Variants in GRIK4 observed in about 807,000 individuals in gnomAD.
GRIK4 encodes glutamate ionotropic receptor kainate type subunit 4, also known as glutamate receptor ionotropic, kainate 4.
Under a neutral mutation model 104.9 loss-of-function variants are expected in GRIK4, and 40 were observed. The observed-to-expected ratio is 0.38, with a 90% confidence interval of 0.30 to 0.50. GRIK4 has a LOEUF of 0.50. Among genes scored for constraint, GRIK4 ranks in the 20% least tolerant of loss-of-function variants. The probability of loss-of-function intolerance (pLI) is 0.93; values close to 1 mark genes in which losing one functional copy is unlikely to be tolerated. For missense variants in GRIK4, 1,047 were observed against 1,308.1 expected, an observed-to-expected ratio of 0.80 and a Z score of 3.08; for synonymous variants, 485 against 524.9, an observed-to-expected ratio of 0.92 and a Z score of 1.04.
chr11:120,525,306 G>A (rs1947844633), intron 1 of GRIK4, among the ~76,000 whole-genome samples: 1 of 152,160 alleles, frequency 6.6e-6, no homozygotes, highest in South Asian at 2.1e-4. Flanking sequence ...TTGCAGAATC[G>A]AGGTTTGAAA....
chr11:120,632,168 A>G (rs1463199789), intron 1 of GRIK4, among the ~76,000 whole-genome samples: 3 of 152,132 alleles, frequency 2.0e-5, no homozygotes, highest in Non-Finnish European at 4.4e-5. Context: ...GTGCCCTTGT[A>G]TAAGAGACCC....
At chr11:120,750,350 C>CTTTT (rs869135246) in intron 3 of GRIK4, among the ~76,000 whole-genome samples, 20 of 76,112 alleles carry the variant, frequency 2.6e-4, no homozygotes, top group Non-Finnish European at 3.5e-4. Context: ...CTAGAAATCT[C>CTTTT]TTTTTTTTTT....
chr11:120,618,604 G>A (rs1367186298), intron 1 of GRIK4, among the ~76,000 whole-genome samples: 1 of 152,248 alleles, frequency 6.6e-6, no homozygotes, highest in East Asian at 1.9e-4. Context: ...ACATAATGGT[G>A]TCGTGGGCCA....
chr11:120,596,344 T>C (rs1948800931), intron 1 of GRIK4, among the ~76,000 whole-genome samples: 1 of 152,186 alleles, frequency 6.6e-6, no homozygotes, highest in Admixed American at 6.5e-5. Flanking sequence ...ACAGGTCTAT[T>C]AACCAGTAAA....
chr11:120,514,327 A>T (rs1343730958), intron 1 of GRIK4, among the ~76,000 whole-genome samples: 1 of 152,172 alleles, frequency 6.6e-6, no homozygotes. Flanking sequence ...CCCTGCAAGC[A>T]TCTGATCGCT....
intron 1 of GRIK4, among the ~76,000 whole-genome samples, chr11:120,632,580 G>A (rs1208673625): frequency 6.6e-6 from 1 of 152,068 alleles, no homozygotes; most frequent in East Asian, 1.9e-4. Context: ...ACTTGTCCCC[G>A]TTTGTCCCAG....
At chr11:120,557,734 G>A (rs1245510577) in intron 1 of GRIK4, among the ~76,000 whole-genome samples, 3 of 152,078 alleles carry the variant, frequency 2.0e-5, no homozygotes, top group African/African-American at 7.2e-5. Context: ...AGAAGTAATC[G>A]GGCCGGGCGC....
chr11:120,962,336 G>C lies in GRIK4; in HGVS notation c.2041-120G>C. The C allele has an allele frequency of 1.1e-5, 7 of 646,212 alleles. No individual in the cohort carries two copies. The South Asian group carries it at 1.3e-4, about 12-fold the overall frequency. 40.0% of individuals were successfully genotyped at this position (646,212 alleles called of 1,614,324 possible). ...AGAAAGGGAAAAGGTTCTTGACTGT[G>C]ATCAGCGGGTGGAGAAGCAGAAGGG... On this transcript the variant is annotated intron_variant, in intron 17 of 20. Transcript: ENST00000527524.
chr11:120,821,223 G>T (rs769474547), intron 6 of GRIK4, among the ~76,000 whole-genome samples: 5 of 152,256 alleles, frequency 3.3e-5, no homozygotes, highest in Non-Finnish European at 5.9e-5. Context: ...AATGTGCAAT[G>T]TGGCCAGTCG....
intron 13 of GRIK4, among the ~76,000 whole-genome samples, chr11:120,917,044 G>A (rs1943119006): frequency 6.6e-6 from 1 of 151,808 alleles, no homozygotes; most frequent in Non-Finnish European, 1.5e-5. Context: ...TCAGGAGTTC[G>A]AGACCAGACT....
At chr11:120,596,874 G>A (rs919789612) in intron 1 of GRIK4, among the ~76,000 whole-genome samples, 9 of 152,180 alleles carry the variant, frequency 5.9e-5, no homozygotes, top group East Asian at 1.9e-4. Flanking sequence ...ACAGGTGCCC[G>A]CCACCACACC....
At chr11:120,834,141 T>A (rs1439930696) in intron 7 of GRIK4, among the ~76,000 whole-genome samples, 1 of 152,232 alleles carries the variant, frequency 6.6e-6, no homozygotes, top group African/African-American at 2.4e-5. Context: ...TTAAGGATTC[T>A]GATATGATTT....
At chr11:120,807,227 C>T (rs1952729922) in intron 4 of GRIK4, among the ~76,000 whole-genome samples, 1 of 152,202 alleles carries the variant, frequency 6.6e-6, no homozygotes, top group Admixed American at 6.5e-5. Flanking sequence ...AAGCTACCTC[C>T]TCTGTTCCTA....
intron 1 of GRIK4, among the ~76,000 whole-genome samples, chr11:120,636,876 G>A (rs1216052490): frequency 6.6e-6 from 1 of 151,996 alleles, no homozygotes; most frequent in African/African-American, 2.4e-5. Flanking sequence ...TCTACTCTCT[G>A]GGCTCTGGCC....
chr11:120,790,119 A>G (rs746049033), intron 3 of GRIK4, among the ~76,000 whole-genome samples: 1 of 152,154 alleles, frequency 6.6e-6, no homozygotes, highest in African/African-American at 2.4e-5. Flanking sequence ...AGATTTTGTC[A>G]TATCACTTAC....
At chr11:120,588,687 G>A (rs1476218834) in intron 1 of GRIK4, among the ~76,000 whole-genome samples, 6 of 152,154 alleles carry the variant, frequency 3.9e-5, no homozygotes, top group African/African-American at 1.2e-4. Context: ...TATAGGGCAG[G>A]CTTCTCAACA....
In GRIK4 at chr11:120,742,282, G is replaced by C. The variant is rs1951346482; in HGVS notation, c.83-60411G>C. Among the ~76,000 whole-genome samples, 3 of 150,412 alleles carry C rather than the reference G, an allele frequency of 2.0e-5. No individual in the cohort carries two copies. In the South Asian group the frequency reaches 6.3e-4, roughly 32 times the overall value. Reference sequence around the variant, plus strand: ...AATCGCTTGAACCTGGGAGGTGGAGGTTGCAGTGAGCCGAGTTTGCGCCAG... The same window carrying C: ...AATCGCTTGAACCTGGGAGGTGGAGCTTGCAGTGAGCCGAGTTTGCGCCAG... On this transcript the variant is annotated intron_variant, in intron 3 of 20. Transcript: ENST00000527524.
In GRIK4 at chr11:120,905,270, G is replaced by C. The variant is rs1210216292; in HGVS notation, c.1273-20G>C. Reference sequence around the variant, plus strand: ...CACCAGGGCTAAGATGAGAATGACAGCTGCCCAGTTTTGCTGCAGGAGAAC... The same window carrying C: ...CACCAGGGCTAAGATGAGAATGACACCTGCCCAGTTTTGCTGCAGGAGAAC... On this transcript the variant is annotated intron_variant, in intron 12 of 20. Coordinates refer to ENST00000527524, the MANE Select transcript of GRIK4 (RefSeq NM_014619.5). This position sits in a 1 kb window ranked among gnomAD's most constrained non-coding sequence, Gnocchi z 5.1. 1 of 1,566,548 alleles carries C rather than the reference G, an allele frequency of 6.4e-7. No individual in the cohort carries two copies. Among genetic ancestry groups the C allele is most frequent in the South Asian group, 1.1e-5 (1 of 90,192 alleles).
chr11:120,615,355 C>T (rs1465587162), intron 1 of GRIK4, among the ~76,000 whole-genome samples: 2 of 152,196 alleles, frequency 1.3e-5, no homozygotes, highest in Non-Finnish European at 2.9e-5. Context: ...TGTGGGCCTC[C>T]TGTGTATAGA....
Sources: gnomAD v4.1 joint callset for allele counts (sites outside exome capture counted in the v4.1 genomes callset) on GRCh38, gnomAD v4.1.1 for gene constraint, Gnocchi (gnomAD v3.1) non-coding constraint, MANE v1.5 for transcripts, NCBI Gene and HGNC (gene_info 2026-07-23, HGNC 2026-07-21) for gene names.